The following OSBPL1A variants were observed in gnomAD, a reference collection of about 807,000 sequenced individuals.
OSBPL1A encodes oxysterol binding protein like 1A, also known as oxysterol-binding protein-related protein 1.
In OSBPL1A, 80 loss-of-function variants were observed where a neutral mutation model predicts 137.1. That is an observed-to-expected ratio of 0.58 (90% confidence interval 0.49 to 0.70). The LOEUF is 0.70. Ranked by LOEUF, OSBPL1A falls within the 30% of genes least tolerant of loss-of-function variation. The pLI is 0.00. For missense variants in OSBPL1A, 970 were observed against 1,129.4 expected (o/e 0.86, Z 2.02); for synonymous variants, 365 against 389.7 (o/e 0.94, Z 0.75).
intron 16 of OSBPL1A, among the ~76,000 whole-genome samples, chr18:24,226,886 G>GTTTTT (rs2088095714): frequency 1.7e-5 from 2 of 114,378 alleles, no homozygotes; most frequent in Non-Finnish European, 1.8e-5. Context: ...CAAAGAAACA[G>GTTTTT]ATTTTTTTTT....
At chr18:24,311,034 G>A (rs2090612035) in intron 13 of OSBPL1A, among the ~76,000 whole-genome samples, 1 of 152,158 alleles carries the variant, frequency 6.6e-6, no homozygotes, top group African/African-American at 2.4e-5. Flanking sequence ...AGGTAGTATG[G>A]TAAAGGAGTT....
chr18:24,371,928 C>A (rs1433284051), intron 2 of OSBPL1A, among the ~76,000 whole-genome samples: 1 of 152,192 alleles, frequency 6.6e-6, no homozygotes, highest in Non-Finnish European at 1.5e-5. Flanking sequence ...ACTACTTTTC[C>A]ATATCCTTTG....
At position 24,176,301 on chromosome 18, in the gene OSBPL1A, CAG is replaced by C. The variant is rs2086444862; in HGVS notation, c.2093+1710_2093+1711del. Among the ~76,000 whole-genome samples the C allele has an allele frequency of 2.0e-5, 3 of 152,186 alleles. No individual in the cohort carries two copies. The South Asian group carries it at 6.2e-4, about 32-fold the overall frequency. ...ATTGAGGCTTCCAAATATATCGAGACAGTGTGTCTCTGCATTACTGAGGTAAT... is the reference window on the plus strand; with the variant it reads ...ATTGAGGCTTCCAAATATATCGAGACTGTGTCTCTGCATTACTGAGGTAAT... On this transcript the variant is annotated intron_variant, in intron 21 of 27. Coordinates refer to ENST00000319481, the MANE Select transcript of OSBPL1A (RefSeq NM_080597.4).
At chr18:24,306,320 C>A in intron 13 of OSBPL1A, among the ~76,000 whole-genome samples, 1 of 151,986 alleles carries the variant, frequency 6.6e-6, no homozygotes, top group South Asian at 2.1e-4. Flanking sequence ...CCTTATGATC[C>A]CTAACCTACA....
At chr18:24,292,738 G>T (rs965826114) in intron 14 of OSBPL1A, among the ~76,000 whole-genome samples, 4 of 152,112 alleles carry the variant, frequency 2.6e-5, no homozygotes, top group Admixed American at 1.3e-4. Context: ...GGTAACAAGT[G>T]CTGAGGGGAG....
At chr18:24,176,692 T>C (rs2086456733) in intron 21 of OSBPL1A, among the ~76,000 whole-genome samples, 1 of 152,226 alleles carries the variant, frequency 6.6e-6, no homozygotes, top group Non-Finnish European at 1.5e-5. Flanking sequence ...CTGTGAGCTT[T>C]CATTCCAGTG....
chr18:24,227,902 C>T (rs1210299109), intron 16 of OSBPL1A, among the ~76,000 whole-genome samples: 1 of 152,124 alleles, frequency 6.6e-6, no homozygotes, highest in African/African-American at 2.4e-5. Context: ...AAGCAAAATA[C>T]CTCAAGCATT....
chr18:24,358,460 T>G (rs1297444324), intron 4 of OSBPL1A: 2 of 702,338 alleles, frequency 2.8e-6, no homozygotes, highest in Non-Finnish European at 5.2e-6. Flanking sequence ...CCACGAGCAC[T>G]CCATAAACCT....
chr18:24,357,563 G>A (rs999531196), intron 4 of OSBPL1A: 1 of 152,134 alleles, frequency 6.6e-6, no homozygotes, highest in Admixed American at 6.6e-5. Context: ...GAACCAAAAG[G>A]GGGAGGCAGG....
chr18:24,379,802 C>G (rs1599734653), intron 1 of OSBPL1A, among the ~76,000 whole-genome samples: 1 of 146,412 alleles, frequency 6.8e-6, no homozygotes, highest in Admixed American at 6.8e-5. Flanking sequence ...ACCTGGGAGG[C>G]AGAGGTTGCA....
intron 19 of OSBPL1A, 131 bp downstream of exon 19, chr18:24,181,014 G>T: frequency 1.8e-6 from 2 of 1,092,452 alleles, no homozygotes; most frequent in Non-Finnish European, 2.6e-6. Context: ...CCAGACATGC[G>T]GACTGAGCTT....
chr18:24,181,842 A>T (rs1428413689), intron 18 of OSBPL1A, among the ~76,000 whole-genome samples: 1 of 152,162 alleles, frequency 6.6e-6, no homozygotes, highest in African/African-American at 2.4e-5. Context: ...AGAACACCTT[A>T]TAAAAGTAAA....
intron 18 of OSBPL1A, among the ~76,000 whole-genome samples, chr18:24,185,107 G>C (rs1379234000): frequency 6.6e-6 from 1 of 152,192 alleles, no homozygotes; most frequent in African/African-American, 2.4e-5. Flanking sequence ...TTCTGGATAA[G>C]ACGAAACTAT....
intron 17 of OSBPL1A, among the ~76,000 whole-genome samples, chr18:24,202,501 C>G (rs2087249744): frequency 6.6e-6 from 1 of 152,190 alleles, no homozygotes; most frequent in Admixed American, 6.5e-5. Flanking sequence ...TCATTCACCA[C>G]CTGCATTACA....
chr18:24,313,279 A>G (rs1486584037), intron 12 of OSBPL1A, among the ~76,000 whole-genome samples: 1 of 151,894 alleles, frequency 6.6e-6, no homozygotes, highest in East Asian at 1.9e-4. Context: ...TGTCTCTACT[A>G]AAAACACAAA....
At chr18:24,176,611 G>T (rs1000126419) in intron 21 of OSBPL1A, among the ~76,000 whole-genome samples, 1 of 152,054 alleles carries the variant, frequency 6.6e-6, no homozygotes, top group Non-Finnish European at 1.5e-5. Context: ...ACCTCTTCTG[G>T]AGAATACTGA....
At chr18:24,296,293 G>T (rs1456794637) in intron 14 of OSBPL1A, among the ~76,000 whole-genome samples, 1 of 152,126 alleles carries the variant, frequency 6.6e-6, no homozygotes, top group Non-Finnish European at 1.5e-5. Context: ...TTCTTGATTT[G>T]ATTCTCAGCT....
intron 15 of OSBPL1A, 51 bp downstream of exon 15, chr18:24,280,791 G>A (rs569796552): frequency 2.2e-5 from 28 of 1,264,588 alleles, no homozygotes; most frequent in Admixed American, 1.5e-4. Flanking sequence ...GGACAACCAC[G>A]CATGCAACAT....
intron 18 of OSBPL1A, among the ~76,000 whole-genome samples, chr18:24,181,988 T>A (rs1243061978): frequency 6.6e-6 from 1 of 152,224 alleles, no homozygotes; most frequent in Non-Finnish European, 1.5e-5. Flanking sequence ...TATGTCTACA[T>A]TTGTCTTGTA....
Sources: allele counts gnomAD v4.1 joint callset (sites outside exome capture counted in the v4.1 genomes callset), GRCh38; gene constraint gnomAD v4.1.1; transcripts MANE v1.5; gene names NCBI Gene and HGNC (gene_info 2026-07-23, HGNC 2026-07-21).